SMUG1: variants seen among roughly 807,000 people sequenced by gnomAD.
SMUG1 encodes single-strand-selective monofunctional uracil-DNA glycosylase 1.
Under a neutral mutation model 23.9 loss-of-function variants are expected in SMUG1, and 13 were observed. The ratio of observed to expected loss-of-function variants is 0.54; its 90% CI spans 0.35 to 0.86. The LOEUF (loss-of-function observed/expected upper bound fraction) is 0.86. Among genes scored for constraint, SMUG1 ranks in the 40% least tolerant of loss-of-function variants. SMUG1 has a pLI of 0.01. For missense variants in SMUG1, 313 were observed against 339.5 expected (o/e 0.92, Z 0.61); for synonymous variants, 133 against 139.8 (o/e 0.95, Z 0.34).
chr12:54,161,983 C>T (rs1266900477), downstream of SMUG1: 2 of 152,494 alleles, frequency 1.3e-5, no homozygotes, highest in Non-Finnish European at 2.9e-5. This position sits in a 1 kb window ranked among gnomAD's most constrained non-coding sequence, Gnocchi z 4.2. Flanking sequence ...AACCAGAGCC[C>T]TGAGCTACAG....
At chr12:54,166,433 C>T (rs1940467946) in intron 3 of SMUG1, among the ~76,000 whole-genome samples, 1 of 152,044 alleles carries the variant, frequency 6.6e-6, no homozygotes, top group Non-Finnish European at 1.5e-5. Context: ...GAAGTTGTCC[C>T]AGTGCTAGTC....
At chr12:54,174,810 T>A (rs1940713870) in intron 2 of SMUG1, among the ~76,000 whole-genome samples, 2 of 152,328 alleles carry the variant, frequency 1.3e-5, no homozygotes, top group South Asian at 4.1e-4. Context: ...ATGGACAAGA[T>A]GTACAGGAAA....
At chr12:54,171,657 A>C (rs2136544393) in intron 3 of SMUG1, among the ~76,000 whole-genome samples, 1 of 139,472 alleles carries the variant, frequency 7.2e-6, no homozygotes, top group Non-Finnish European at 1.5e-5. Flanking sequence ...ACTGCACTCC[A>C]GCCTGGCAAC....
rs1364138906 is a variant in SMUG1 at position 54,180,488 on chromosome 12, T to C, written c.*1608A>G. On this transcript the variant is annotated 3_prime_UTR_variant, in exon 4 of 4. Coordinates refer to ENST00000682136, the MANE Select transcript of SMUG1 (RefSeq NM_001243787.2). ...CAGGAGATAGGAAGTAGACCATGTG[T>C]TCCTCATTAAGGTGGTCTCAAGACC... 2.0e-5 allele frequency: 3 copies of C among 152,214 alleles called. No homozygotes were observed. Among genetic ancestry groups the C allele is most frequent in the African/African-American group, 7.2e-5 (3 of 41,448 alleles). 9.4% of individuals were successfully genotyped at this position (152,214 alleles called of 1,614,324 possible).
chr12:54,182,826 G>T, intron 3 of SMUG1: 1 of 1,066,084 alleles, frequency 9.4e-7, no homozygotes. Context: ...TGTGAACCGT[G>T]GTCCAGAAGA....
downstream of SMUG1, among the ~76,000 whole-genome samples, chr12:54,161,189 A>G (rs992572068): frequency 9.3e-5 from 13 of 139,110 alleles, no homozygotes; most frequent in African/African-American, 3.2e-4. This position sits in a 1 kb window ranked among gnomAD's most constrained non-coding sequence, Gnocchi z 4.2. Context: ...CTCCCTGGGC[A>G]CCCGTTTGCC....
rs1315814733 is a variant in SMUG1, at chr12:54,183,654, AC to A, written c.285+1del. ...ACCCACTGGGGAAGCCAAACCCTTT[AC>A]CCCAGTCTGGGCCATGCCAAAAGGT... On this transcript the variant is annotated splice_donor_variant, in intron 3 of 3. Coordinates refer to ENST00000682136, the MANE Select transcript of SMUG1 (RefSeq NM_001243787.2). LOFTEE classifies it high-confidence loss of function. 1 of 1,613,518 alleles carries A rather than the reference AC, an allele frequency of 6.2e-7. No homozygotes were observed. The highest frequency in any genetic ancestry group is 2.2e-5 in the East Asian group (1 of 44,878).
At chr12:54,159,932 G>A (rs1043687875), downstream of SMUG1, among the ~76,000 whole-genome samples, 5 of 152,230 alleles carry the variant, frequency 3.3e-5, no homozygotes, top group African/African-American at 4.8e-5. Flanking sequence ...ACAGATGGGC[G>A]TGTTGACCTT....
downstream of SMUG1, among the ~76,000 whole-genome samples, chr12:54,175,393 G>C (rs1033486907): frequency 6.6e-6 from 1 of 152,186 alleles, no homozygotes; most frequent in African/African-American, 2.4e-5. Context: ...CCAACCCTTG[G>C]CTCTTGCCTA....
intron 2 of SMUG1, 22 bp downstream of exon 2, chr12:54,187,797 T>TTC (rs397830479): frequency 6.6e-6 from 1 of 151,910 alleles, no homozygotes. Context: ...ATTTTTTTTT[T>TTC]CAATACTTAT....
At position 54,180,917 on chromosome 12, in the gene SMUG1, A is replaced by G. The variant is rs3136396; in HGVS notation, c.*1179T>C. ...GCAGGAGAATCACTTGAACCGGGAA[A>G]GCAGATGTTGCAGTGAACTGAGACC... On this transcript the variant is annotated 3_prime_UTR_variant, in exon 4 of 4. Transcript: ENST00000682136. 17,042 of 151,622 alleles carry G rather than the reference A, an allele frequency of 0.11. 1,533 individuals carry two copies. The highest frequency in any genetic ancestry group is 0.24 in the African/African-American group (9,817 of 41,222). 9.4% of individuals were successfully genotyped at this position (151,622 alleles called of 1,614,324 possible).
rs180781253 is a variant in SMUG1 at position 54,167,036 on chromosome 12, A to G, written c.*53-1558T>C. ...CCTCCAAGCATCTGGCATTGGCAAT[A>G]TGTCCTAGGGCCCCCGCTCCAAGGT... On this transcript the variant is annotated intron_variant and NMD_transcript_variant, in intron 3 of 4. Coordinates refer to the SMUG1 transcript ENST00000509864. Among the ~76,000 whole-genome samples, 32 of 152,292 alleles carry G rather than the reference A, an allele frequency of 2.1e-4. 1 individual carries two copies. In the East Asian group the frequency reaches 5.0e-3, roughly 24 times the overall value.
At chr12:54,174,145 G>A (rs934900845) in intron 2 of SMUG1, among the ~76,000 whole-genome samples, 2 of 152,086 alleles carry the variant, frequency 1.3e-5, no homozygotes, top group Non-Finnish European at 2.9e-5. Flanking sequence ...ATTCACAGGG[G>A]ACACACAGAC....
At chr12:54,179,880 A>G (rs1264095530), downstream of SMUG1, among the ~76,000 whole-genome samples, 3 of 152,234 alleles carry the variant, frequency 2.0e-5, no homozygotes, top group Non-Finnish European at 2.9e-5. Flanking sequence ...AGACAAATAT[A>G]TGGTAGGGTC....
At chr12:54,185,459 C>A (rs1259500020) in intron 2 of SMUG1, among the ~76,000 whole-genome samples, 1 of 129,138 alleles carries the variant, frequency 7.7e-6, no homozygotes, top group Non-Finnish European at 1.6e-5. Flanking sequence ...AAGAGCAAGA[C>A]TCCATCTCAA....
At chr12:54,163,883 CTT>C (rs1459586078), downstream of SMUG1, among the ~76,000 whole-genome samples, 1 of 152,210 alleles carries the variant, frequency 6.6e-6, no homozygotes, top group African/African-American at 2.4e-5. Flanking sequence ...AAATTTTAGT[CTT>C]GTTACTGCAA....
chr12:54,160,320 G>C (rs554074192), downstream of SMUG1, among the ~76,000 whole-genome samples: 7 of 152,350 alleles, frequency 4.6e-5, no homozygotes, highest in South Asian at 4.1e-4. Context: ...TGGGCTAAGG[G>C]AGAGAGAGGA....
chr12:54,165,888 A>T (rs1176368004), intron 3 of SMUG1, among the ~76,000 whole-genome samples: 1 of 152,186 alleles, frequency 6.6e-6, no homozygotes, highest in Non-Finnish European at 1.5e-5. Context: ...CTACACCAGA[A>T]ATAAACTGAG....
rs115927846 is a variant in SMUG1 at position 54,165,684 on chromosome 12, T to C, written c.*53-206A>G. Among the ~76,000 whole-genome samples the C allele has an allele frequency of 2.2e-3, 341 of 151,956 alleles. 1 individual carries two copies. Among genetic ancestry groups the C allele is most frequent in the African/African-American group, 8.0e-3 (333 of 41,414 alleles). On this transcript the variant is annotated intron_variant and NMD_transcript_variant, in intron 3 of 4. Transcript: ENST00000509864. Reference sequence around the variant, plus strand: ...AAGACACTGTTTGTAAATAAATAAATAAATAAAATTAAAAAGACAGATATA... The same window carrying C: ...AAGACACTGTTTGTAAATAAATAAACAAATAAAATTAAAAAGACAGATATA...
Sources: gnomAD v4.1 joint callset for allele counts (sites outside exome capture counted in the v4.1 genomes callset) on GRCh38, gnomAD v4.1.1 for gene constraint, Gnocchi (gnomAD v3.1) non-coding constraint, MANE v1.5 for transcripts, NCBI Gene and HGNC (gene_info 2026-07-23, HGNC 2026-07-21) for gene names.